The following ADAMTS16 variants were observed in gnomAD, a reference collection of about 807,000 sequenced individuals.
The protein encoded by ADAMTS16 is ADAM metallopeptidase with thrombospondin type 1 motif 16, also known as A disintegrin and metalloproteinase with thrombospondin motifs 16.
ADAMTS16 carries 94 observed loss-of-function variants against 145.8 expected under a neutral mutation model. That is an observed-to-expected ratio of 0.64 (90% CI 0.55 to 0.77). ADAMTS16 has a LOEUF of 0.77. ADAMTS16 is among the 30% of genes least tolerant of loss of function. The probability of loss-of-function intolerance (pLI) is 0.00; values close to 1 mark genes in which losing one functional copy is unlikely to be tolerated. For synonymous variants in ADAMTS16, 659 were observed against 604.3 expected, an observed-to-expected ratio of 1.09 and a Z score of -1.33; for missense variants, 1,585 against 1,591.5, an observed-to-expected ratio of 1.00 and a Z score of 0.07.
intron 18 of ADAMTS16, among the ~76,000 whole-genome samples, chr5:5,279,814 A>G (rs1738829412): frequency 6.6e-6 from 1 of 151,710 alleles, no homozygotes; most frequent in African/African-American, 2.4e-5. Context: ...CTTCTCTTTT[A>G]AGGCATCCTG....
At chr5:5,150,722 G>T (rs1163875220) in intron 3 of ADAMTS16, among the ~76,000 whole-genome samples, 1 of 152,196 alleles carries the variant, frequency 6.6e-6, no homozygotes, top group Non-Finnish European at 1.5e-5. Context: ...GAACGGCAAG[G>T]AAGAAAATGG....
intron 3 of ADAMTS16, chr5:5,176,331 A>G (rs1159401032): frequency 6.6e-6 from 1 of 152,186 alleles, no homozygotes; most frequent in Admixed American, 6.5e-5. Flanking sequence ...TACCCCTGAC[A>G]GAGGATCACC....
At chr5:5,261,647 A>G (rs1738035415) in intron 17 of ADAMTS16, among the ~76,000 whole-genome samples, 2 of 152,022 alleles carry the variant, frequency 1.3e-5, no homozygotes, top group South Asian at 4.2e-4. Flanking sequence ...CACCACGCCC[A>G]GCTAATTTTT....
At chr5:5,163,144 T>A (rs1289627223) in intron 3 of ADAMTS16, among the ~76,000 whole-genome samples, 1 of 152,236 alleles carries the variant, frequency 6.6e-6, no homozygotes, top group Non-Finnish European at 1.5e-5. Context: ...TTTATTTATT[T>A]ATTCACTTAT....
intron 3 of ADAMTS16, among the ~76,000 whole-genome samples, chr5:5,165,370 A>G (rs976391728): frequency 6.6e-6 from 1 of 152,028 alleles, no homozygotes. Flanking sequence ...CCGAGCTTCA[A>G]TGTGTTATCT....
At chr5:5,142,350 A>T (rs1734191406) in intron 2 of ADAMTS16, 1 of 152,222 alleles carries the variant, frequency 6.6e-6, no homozygotes, top group Admixed American at 6.5e-5. Context: ...CATGACAACC[A>T]CTTATCTGGC....
chr5:5,149,887 C>T (rs1195221385), intron 3 of ADAMTS16, among the ~76,000 whole-genome samples: 1 of 152,160 alleles, frequency 6.6e-6, no homozygotes, highest in Non-Finnish European at 1.5e-5. Flanking sequence ...GTACTTTATC[C>T]TTTTTTATTG....
intron 3 of ADAMTS16, among the ~76,000 whole-genome samples, chr5:5,164,432 T>C (rs1734813047): frequency 6.6e-6 from 1 of 152,250 alleles, no homozygotes; most frequent in East Asian, 1.9e-4. Context: ...TCAGCTTTCT[T>C]AGTTGCCTCT....
At chr5:5,206,668 G>C (rs1736131182) in intron 9 of ADAMTS16, among the ~76,000 whole-genome samples, 1 of 151,658 alleles carries the variant, frequency 6.6e-6, no homozygotes, top group Non-Finnish European at 1.5e-5. Context: ...TTTTAGTAGA[G>C]ACAGGAATTC....
intron 20 of ADAMTS16, 189 bp downstream of exon 20, chr5:5,303,955 C>T: frequency 1.5e-6 from 1 of 669,632 alleles, no homozygotes; most frequent in East Asian, 2.7e-5. Context: ...TGAATCGTGT[C>T]CTGGGAGCAA....
At chr5:5,167,668 A>C (rs1395556342) in intron 3 of ADAMTS16, among the ~76,000 whole-genome samples, 3 of 152,198 alleles carry the variant, frequency 2.0e-5, no homozygotes, top group African/African-American at 7.2e-5. Flanking sequence ...TATCGTAGCC[A>C]CTTCTCCTTT....
chr5:5,202,059 T>C (rs1336351759), intron 9 of ADAMTS16, among the ~76,000 whole-genome samples: 1 of 152,212 alleles, frequency 6.6e-6, no homozygotes, highest in East Asian at 1.9e-4. Context: ...TACTCCAGTG[T>C]ACTTTCTGGT....
In ADAMTS16 at chr5:5,215,519, T is replaced by C. The variant is rs1175547907; in HGVS notation, c.1605+6273T>C. 2.0e-5 allele frequency among the ~76,000 whole-genome samples: 3 copies of C among 152,048 alleles called. No individual in the cohort carries two copies. In the East Asian group the frequency reaches 5.8e-4, roughly 29 times the overall value. On this transcript the variant is annotated intron_variant, in intron 10 of 22. Transcript: ENST00000274181. ...CCCTCTCTTCAGTCCCCAAAGTTCATTGTATCATTCTTAGGCCTTTGTGTT... is the reference window on the plus strand; with the variant it reads ...CCCTCTCTTCAGTCCCCAAAGTTCACTGTATCATTCTTAGGCCTTTGTGTT...
At chr5:5,224,858 G>A (rs897208419) in intron 11 of ADAMTS16, among the ~76,000 whole-genome samples, 1 of 152,078 alleles carries the variant, frequency 6.6e-6, no homozygotes, top group Admixed American at 6.6e-5. Context: ...CTTTCTGTGT[G>A]GTCAGGTGCT....
chr5:5,165,850 C>T (rs1734861923), intron 3 of ADAMTS16, among the ~76,000 whole-genome samples: 1 of 152,152 alleles, frequency 6.6e-6, no homozygotes, highest in African/African-American at 2.4e-5. Context: ...GACCCATGGG[C>T]TCTGATGAGA....
intron 17 of ADAMTS16, among the ~76,000 whole-genome samples, chr5:5,253,604 T>G (rs1044570170): frequency 3.9e-5 from 6 of 152,106 alleles, no homozygotes; most frequent in Non-Finnish European, 8.8e-5. Flanking sequence ...TTATTTTCCT[T>G]TCACAAGGTT....
intron 18 of ADAMTS16, among the ~76,000 whole-genome samples, chr5:5,283,481 C>A (rs978413433): frequency 2.6e-5 from 4 of 152,104 alleles, no homozygotes; most frequent in South Asian, 4.2e-4. Context: ...CACCTCCCCC[C>A]CAGAAAGCCC....
At chr5:5,196,296 T>C (rs1048478566) in intron 8 of ADAMTS16, among the ~76,000 whole-genome samples, 6 of 150,544 alleles carry the variant, frequency 4.0e-5, no homozygotes, top group African/African-American at 9.8e-5. Context: ...AGTAGTTAGC[T>C]TGAAAATACC....
At position 5,203,221 on chromosome 5, in the gene ADAMTS16, G is replaced by A. The variant is rs1022451260; in HGVS notation, c.1451+2952G>A. Among the ~76,000 whole-genome samples the A allele has an allele frequency of 2.6e-5, 4 of 152,146 alleles. No homozygotes were observed. In the East Asian group the frequency reaches 7.7e-4, roughly 29 times the overall value. On this transcript the variant is annotated intron_variant, in intron 9 of 22. Coordinates refer to ENST00000274181, the MANE Select transcript of ADAMTS16 (RefSeq NM_139056.4). ...AAATTTTCCAAGAAAGTCTCTTGTT[G>A]TTAAATTCACTATTAAGATTCATTT...
Sources: allele counts gnomAD v4.1 joint callset (sites outside exome capture counted in the v4.1 genomes callset), GRCh38; gene constraint gnomAD v4.1.1; transcripts MANE v1.5; gene names NCBI Gene and HGNC (gene_info 2026-07-23, HGNC 2026-07-21).